Variants in MYO16 observed in about 807,000 individuals in gnomAD.
MYO16 encodes unconventional myosin-XVI.
Under a neutral mutation model 205.3 loss-of-function variants are expected in MYO16, and 94 were observed. That is an observed-to-expected ratio of 0.46 (90% CI 0.39 to 0.54). MYO16 has a LOEUF of 0.54. Among genes scored for constraint, MYO16 ranks in the 20% least tolerant of loss-of-function variants. MYO16 has a pLI of 0.00. For synonymous variants in MYO16, 988 were observed against 954.0 expected, an observed-to-expected ratio of 1.04 and a Z score of -0.66; for missense variants, 2,315 against 2,387.5, an observed-to-expected ratio of 0.97 and a Z score of 0.63.
intron 3 of MYO16, among the ~76,000 whole-genome samples, chr13:108,717,968 A>C (rs1178313802): frequency 6.6e-6 from 1 of 152,176 alleles, no homozygotes; most frequent in Non-Finnish European, 1.5e-5. Context: ...CAAAGTTTAA[A>C]TTTTGAATAA....
At chr13:108,674,860 T>TA (rs1378502294) in intron 2 of MYO16, among the ~76,000 whole-genome samples, 2 of 152,104 alleles carry the variant, frequency 1.3e-5, no homozygotes, top group African/African-American at 2.4e-5. Context: ...AGAGCAAATA[T>TA]AAAATATCAG....
chr13:108,955,872 A>G (rs1371521901), intron 16 of MYO16, among the ~76,000 whole-genome samples: 1 of 152,066 alleles, frequency 6.6e-6, no homozygotes, highest in African/African-American at 2.4e-5. Context: ...AAACAAAACA[A>G]AAAACACCTT....
chr13:108,850,160 G>A (rs765342080), intron 10 of MYO16, among the ~76,000 whole-genome samples: 17 of 150,876 alleles, frequency 1.1e-4, no homozygotes, highest in Non-Finnish European at 1.6e-4. Flanking sequence ...GGTTATTTGC[G>A]CCTAGACTGC....
At chr13:108,550,950 A>ACAATTTACACATTT in the MYO16 span, among the ~76,000 whole-genome samples, 1 of 152,258 alleles carries the variant, frequency 6.6e-6, no homozygotes. Context: ...TATTAAGGTC[A>ACAATTTACACATTT]GGAAATCAAT....
chr13:109,185,229 A>G (rs1347965225), intron 34 of MYO16, among the ~76,000 whole-genome samples: 2 of 152,224 alleles, frequency 1.3e-5, no homozygotes, highest in African/African-American at 4.8e-5. Flanking sequence ...AACAATTTCA[A>G]TATTAATTTA....
chr13:109,004,331 G>A (rs1336085556), intron 21 of MYO16, among the ~76,000 whole-genome samples: 1 of 152,006 alleles, frequency 6.6e-6, no homozygotes, highest in Non-Finnish European at 1.5e-5. Flanking sequence ...ATTAGTTTCT[G>A]TACATTTTCA....
upstream of MYO16, among the ~76,000 whole-genome samples, chr13:108,594,490 G>A (rs1233807491): frequency 6.6e-6 from 1 of 152,134 alleles, no homozygotes; most frequent in Non-Finnish European, 1.5e-5. Flanking sequence ...AATCCCAGCT[G>A]GTTATTCTAG....
intron 9 of MYO16, among the ~76,000 whole-genome samples, chr13:108,839,887 G>A (rs1451316036): frequency 1.3e-5 from 2 of 152,194 alleles, no homozygotes; most frequent in Non-Finnish European, 1.5e-5. Flanking sequence ...TTATTAGATT[G>A]TAAATAGGGT....
At chr13:108,600,863 A>G (rs1878736307) in intron 1 of MYO16, among the ~76,000 whole-genome samples, 1 of 152,158 alleles carries the variant, frequency 6.6e-6, no homozygotes, top group Non-Finnish European at 1.5e-5. Context: ...CGGTTTTTTA[A>G]AAGTAAATAA....
At chr13:108,681,274 CT>C (rs1882450571) in intron 2 of MYO16, among the ~76,000 whole-genome samples, 1 of 152,174 alleles carries the variant, frequency 6.6e-6, no homozygotes, top group Non-Finnish European at 1.5e-5. Context: ...GACCATGGGT[CT>C]TTCACGTCTC....
Position 108,883,052 on chromosome 13 carries a change from T to A in MYO16, c.1426-7T>A. On this transcript the variant is annotated splice_polypyrimidine_tract_variant and splice_region_variant and intron_variant, in intron 12 of 34. Transcript: ENST00000457511. The stretch of plus-strand genomic sequence containing the variant: ...GGTTTTCCCCTTGCTGCTGCCCTGT[T>A]TTCCAGGTGTCCCAGCTGTATTTCA... 6.2e-7 allele frequency: 1 copy of A among 1,613,776 alleles called. No individual in the cohort carries two copies.
rs971273632 is a variant in MYO16, at chr13:109,035,130, A to G, written c.2797-11786A>G. 4.6e-5 allele frequency among the ~76,000 whole-genome samples: 7 copies of G among 151,614 alleles called. No homozygotes were observed. In the South Asian group the frequency reaches 8.4e-4, roughly 18 times the overall value. ...TTTCTCCAAAATTCCAACACCATAT[A>G]TGGCATATATAGCGTACCACAATAA... On this transcript the variant is annotated intron_variant, in intron 23 of 34. Coordinates refer to ENST00000457511, the MANE Select transcript of MYO16 (RefSeq NM_001198950.3).
chr13:109,078,504 C>A (rs529123350), intron 27 of MYO16, among the ~76,000 whole-genome samples: 1 of 152,244 alleles, frequency 6.6e-6, no homozygotes, highest in East Asian at 1.9e-4. Flanking sequence ...ATACTAATTC[C>A]ATTATCTGTG....
chr13:108,586,606 C>T, the MYO16 span, among the ~76,000 whole-genome samples: 3 of 152,154 alleles, frequency 2.0e-5, no homozygotes, highest in East Asian at 5.8e-4. Context: ...TGTATTTGTC[C>T]ATTCAAGGTA....
chr13:109,125,057 T>C lies in MYO16; in HGVS notation c.3536-55T>C, dbSNP rs1373609660. The C allele has an allele frequency of 4.7e-5, 74 of 1,583,218 alleles. No individual in the cohort carries two copies. Among genetic ancestry groups the C allele is most frequent in the Non-Finnish European group, 6.3e-5 (73 of 1,159,614 alleles). On this transcript the variant is annotated intron_variant, in intron 29 of 34. Coordinates refer to ENST00000457511, the MANE Select transcript of MYO16 (RefSeq NM_001198950.3). The surrounding 1 kb of genome is among the most constrained non-coding windows in gnomAD (Gnocchi z 4.0). Reference sequence around the variant, plus strand: ...GTATATTATGATTTTTGTTTGTGCATGTCTGAGTTTTTCACTTTTCCTCCA... The same window carrying C: ...GTATATTATGATTTTTGTTTGTGCACGTCTGAGTTTTTCACTTTTCCTCCA...
chr13:108,961,545 GA>G lies in MYO16; in HGVS notation c.2045del (p.Glu682GlyfsTer5). ...CTGTTTGTAAAATGCATAGGAGGTG[GA>G]GAATCTGTTCGTAATTCTAGCAGCA... ...NVVGFSSLEVENLFVILAAIL... is the reference protein window; with the variant it reads ...NVVGFSSLEVXNLFVILAAIL... On this transcript the variant is annotated frameshift_variant, in exon 18 of 35. Coordinates refer to ENST00000457511, the MANE Select transcript of MYO16 (RefSeq NM_001198950.3). LOFTEE classifies it high-confidence loss of function. 6.2e-7 allele frequency: 1 copy of G among 1,613,212 alleles called. No homozygotes were observed. Among genetic ancestry groups the G allele is most frequent in the Admixed American group, 1.7e-5 (1 of 60,010 alleles).
chr13:108,815,137 G>T (rs1875499958), intron 7 of MYO16, among the ~76,000 whole-genome samples: 1 of 152,100 alleles, frequency 6.6e-6, no homozygotes, highest in African/African-American at 2.4e-5. Flanking sequence ...ACAAAATGTT[G>T]CAGTGACAAT....
intron 32 of MYO16, among the ~76,000 whole-genome samples, chr13:109,152,135 A>T (rs1877705411): frequency 6.6e-6 from 1 of 152,142 alleles, no homozygotes; most frequent in South Asian, 2.1e-4. Context: ...AATTTGATTG[A>T]CTCTGTCTCT....
chr13:108,957,383 C>CAAA (rs33954239), intron 16 of MYO16, among the ~76,000 whole-genome samples: 7,683 of 96,120 alleles, frequency 0.08, 525 homozygotes, highest in African/African-American at 0.1. Context: ...AACTCCATCT[C>CAAA]AAAAAAAAAA....
Sources: gnomAD v4.1 joint callset for allele counts (sites outside exome capture counted in the v4.1 genomes callset) on GRCh38, gnomAD v4.1.1 for gene constraint, Gnocchi (gnomAD v3.1) non-coding constraint, MANE v1.5 for transcripts, NCBI Gene and HGNC (gene_info 2026-07-23, HGNC 2026-07-21) for gene names.